PRPF6: variants seen among roughly 807,000 people sequenced by gnomAD.
PRPF6 encodes the protein pre-mRNA processing factor 6.
Under a neutral mutation model 118.3 loss-of-function variants are expected in PRPF6, and 42 were observed. The observed-to-expected ratio is 0.35, with a 90% CI of 0.28 to 0.46. The LOEUF (loss-of-function observed/expected upper bound fraction) is 0.46, where lower values mean the gene tolerates loss of function less well. PRPF6 is among the 20% of genes least tolerant of loss of function. PRPF6 has a pLI of 1.00. For missense variants in PRPF6, 662 were observed against 1,255.7 expected, an observed-to-expected ratio of 0.53 and a Z score of 7.15; for synonymous variants, 481 against 485.1, an observed-to-expected ratio of 0.99 and a Z score of 0.11.
At chr20:64,009,645 C>T (rs545577101) in intron 9 of PRPF6, among the ~76,000 whole-genome samples, 1 of 152,272 alleles carries the variant, frequency 6.6e-6, no homozygotes, top group South Asian at 2.1e-4. Context: ...ATCTCTGAAC[C>T]CAGGAAGCGG....
intron 1 of PRPF6, among the ~76,000 whole-genome samples, chr20:63,982,320 C>G (rs568365009): frequency 6.6e-6 from 1 of 152,068 alleles, no homozygotes; most frequent in Non-Finnish European, 1.5e-5. Context: ...TATAGGTGCC[C>G]GCTACCACGC....
intron 3 of PRPF6, among the ~76,000 whole-genome samples, chr20:63,990,100 C>T (rs1194502059): frequency 1.3e-5 from 2 of 151,790 alleles, no homozygotes; most frequent in African/African-American, 2.4e-5. Context: ...GTGATCCACC[C>T]GCCTCAGCCT....
intron 3 of PRPF6, among the ~76,000 whole-genome samples, chr20:63,988,040 C>T (rs1342671167): frequency 6.6e-6 from 1 of 151,902 alleles, no homozygotes; most frequent in Non-Finnish European, 1.5e-5. Flanking sequence ...ACAAAAGTTG[C>T]CAGGCGCTGG....
intron 6 of PRPF6, among the ~76,000 whole-genome samples, chr20:63,998,103 A>AT (rs1000934442): frequency 2.0e-4 from 30 of 150,846 alleles, no homozygotes; most frequent in Non-Finnish European, 3.3e-4. Flanking sequence ...AATTTTATTT[A>AT]TTTTTTTTTG....
rs868748593 is a variant in PRPF6, at chr20:64,029,216, T to G, written c.2432-161T>G. Among the ~76,000 whole-genome samples the G allele has an allele frequency of 1.3e-5, 2 of 152,092 alleles. No homozygotes were observed. Among genetic ancestry groups the G allele is most frequent in the Non-Finnish European group, 2.9e-5 (2 of 68,018 alleles). On this transcript the variant is annotated intron_variant, in intron 18 of 20. Transcript: ENST00000266079. The surrounding 1 kb of genome is among the most constrained non-coding windows in gnomAD (Gnocchi z 4.8). ...TGCCATGGTTTTGGGTGGGCCAGAG[T>G]GCTCATCCTTTGTGGTTCTCCTTGC...
At chr20:64,030,671 G>C (rs1472135127) in intron 19 of PRPF6, among the ~76,000 whole-genome samples, 2 of 152,202 alleles carry the variant, frequency 1.3e-5, no homozygotes, top group African/African-American at 4.8e-5. Flanking sequence ...CTTATAAAAG[G>C]CTTTGCTAAA....
intron 9 of PRPF6, among the ~76,000 whole-genome samples, chr20:64,009,750 C>T (rs774537327): frequency 1.3e-5 from 2 of 152,100 alleles, no homozygotes; most frequent in African/African-American, 2.4e-5. Context: ...TTTCCATCCC[C>T]GCAGAAAGTC....
rs2059064299 is a variant in PRPF6, at chr20:63,981,176, G to C, written c.-70G>C. 1 of 1,491,438 alleles carries C rather than the reference G, an allele frequency of 6.7e-7. No homozygotes were observed. The highest frequency in any genetic ancestry group is 9.2e-7 in the Non-Finnish European group (1 of 1,090,774). 92.4% of individuals were successfully genotyped at this position (1,491,438 alleles called of 1,614,324 possible). A position where few individuals can be genotyped will look rare whatever the true frequency, so the allele number is the denominator to read the frequency against. Reference sequence around the variant, plus strand: ...GGAGTGCATCGGACGTCGAAGCCTAGAGTCTCTGCGTCTTTCCCTCTTCCG... The same window carrying C: ...GGAGTGCATCGGACGTCGAAGCCTACAGTCTCTGCGTCTTTCCCTCTTCCG... On this transcript the variant is annotated 5_prime_UTR_variant, in exon 1 of 21. Coordinates refer to ENST00000266079, the MANE Select transcript of PRPF6 (RefSeq NM_012469.4).
intron 11 of PRPF6, among the ~76,000 whole-genome samples, chr20:64,013,477 C>T (rs1448433127): frequency 6.6e-6 from 1 of 151,908 alleles, no homozygotes; most frequent in Non-Finnish European, 1.5e-5. Context: ...GACAGGGTCT[C>T]GCCGTGTTGC....
intron 9 of PRPF6, 97 bp downstream of exon 9, chr20:64,001,336 A>G (rs2059165622): frequency 1.6e-5 from 23 of 1,434,724 alleles, no homozygotes; most frequent in Non-Finnish European, 2.1e-5. Flanking sequence ...GAGAGTGGAT[A>G]AGGAACCAGG....
At chr20:63,990,206 G>C (rs954418316) in intron 3 of PRPF6, among the ~76,000 whole-genome samples, 2 of 152,138 alleles carry the variant, frequency 1.3e-5, no homozygotes, top group African/African-American at 4.8e-5. Context: ...TTGCTGCCTC[G>C]AGGACAGCAC....
chr20:63,988,503 A>G (rs182295322), intron 3 of PRPF6, among the ~76,000 whole-genome samples: 1 of 152,064 alleles, frequency 6.6e-6, no homozygotes, highest in Admixed American at 6.6e-5. Flanking sequence ...TCTTAAAATA[A>G]AAGAAAATAT....
At chr20:63,989,497 G>A (rs1471595781) in intron 3 of PRPF6, among the ~76,000 whole-genome samples, 3 of 152,048 alleles carry the variant, frequency 2.0e-5, no homozygotes, top group Non-Finnish European at 2.9e-5. Flanking sequence ...AGTAAGTATG[G>A]GTAAAAGCAT....
chr20:63,984,675 T>C (rs1010857402), intron 2 of PRPF6, among the ~76,000 whole-genome samples: 8 of 152,194 alleles, frequency 5.3e-5, no homozygotes, highest in African/African-American at 9.7e-5. Context: ...GGATCCCCCA[T>C]TGCATTTCGT....
chr20:64,001,224 C>T lies in PRPF6; in HGVS notation c.1171C>T (p.Arg391Trp), dbSNP rs1569216086. 6.2e-7 allele frequency: 1 copy of T among 1,614,222 alleles called. No individual in the cohort carries two copies. Among genetic ancestry groups the T allele is most frequent in the Non-Finnish European group, 8.5e-7 (1 of 1,180,030 alleles). Reference protein sequence around the residue: ...ELETDIRAKKRVLRKALEHVP... With the variant: ...ELETDIRAKKWVLRKALEHVP... ...GGAAACGGACATTCGTGCAAAGAAG[C>T]GGGTTCTTCGGAAAGGTGAGCCTCC... is the stretch of plus-strand genomic sequence containing the variant. The change falls in exon 9 of 21, where the codon CGG becomes TGG. Residue 391 changes from arginine (R) to tryptophan (W), a missense_variant. Coordinates refer to ENST00000266079, the MANE Select transcript of PRPF6 (RefSeq NM_012469.4).
intron 9 of PRPF6, among the ~76,000 whole-genome samples, chr20:64,003,616 GA>G (rs2059177241): frequency 6.6e-6 from 1 of 151,952 alleles, no homozygotes; most frequent in African/African-American, 2.4e-5. Context: ...TTTTTATTGA[GA>G]CAGAGTCTCG....
chr20:64,026,970 T>G lies in PRPF6; in HGVS notation c.2029-12T>G, dbSNP rs747739304. 6.2e-7 allele frequency: 1 copy of G among 1,613,738 alleles called. No homozygotes were observed. The highest frequency in any genetic ancestry group is 8.5e-7 in the Non-Finnish European group (1 of 1,180,016). ...CTGATGCCCTGCGTGACAGTGCATG[T>G]CTGCCCCACAGGTGTTCATGAAGTC... On this transcript the variant is annotated splice_polypyrimidine_tract_variant and intron_variant, in intron 15 of 20. Transcript: ENST00000266079. This position sits in a 1 kb window ranked among gnomAD's most constrained non-coding sequence, Gnocchi z 4.4.
chr20:64,022,709 C>T (rs779642505), intron 12 of PRPF6, 48 bp from the exon 13 acceptor site: 1 of 1,612,780 alleles, frequency 6.2e-7, no homozygotes, highest in Non-Finnish European at 8.5e-7. Flanking sequence ...GCCACTTGTT[C>T]TGTGGCCAGT....
chr20:64,027,876 G>A lies in PRPF6; in HGVS notation c.2339+140G>A. The A allele has an allele frequency of 2.4e-6, 3 of 1,227,176 alleles. No individual in the cohort carries two copies. The highest frequency in any genetic ancestry group is 3.5e-5 in the Admixed American group (2 of 57,380). 76.0% of individuals were successfully genotyped at this position (1,227,176 alleles called of 1,614,324 possible). On this transcript the variant is annotated intron_variant, in intron 17 of 20. Transcript: ENST00000266079. This position sits in a 1 kb window ranked among gnomAD's most constrained non-coding sequence, Gnocchi z 6.5. ...TTGGGGGGCGGTAGGTGCTGGCCAT[G>A]AAAAATCACGGTCCCTGCCTTAGGA...
Sources: allele counts gnomAD v4.1 joint callset (sites outside exome capture counted in the v4.1 genomes callset), GRCh38; gene constraint gnomAD v4.1.1; non-coding constraint Gnocchi (gnomAD v3.1); transcripts MANE v1.5; gene names NCBI Gene and HGNC (gene_info 2026-07-23, HGNC 2026-07-21).